PHACTR1: variants seen among roughly 807,000 people sequenced by gnomAD.
PHACTR1 encodes the protein phosphatase and actin regulator 1, also known as RPEL repeat containing 1.
PHACTR1 carries 16 observed loss-of-function variants against 69.2 expected under a neutral mutation model. The ratio of observed to expected loss-of-function variants is 0.23; its 90% CI spans 0.16 to 0.35. The LOEUF (loss-of-function observed/expected upper bound fraction) is 0.35. Among genes scored for constraint, PHACTR1 ranks in the 10% least tolerant of loss-of-function variants. The pLI, the probability that PHACTR1 is intolerant of heterozygous loss-of-function variation, is 1.00. For missense variants in PHACTR1, 510 were observed against 734.7 expected (o/e 0.69, Z 3.54); for synonymous variants, 312 against 284.5 (o/e 1.10, Z -0.97).
At chr6:12,932,393 CA>C (rs1188832145) in intron 4 of PHACTR1, among the ~76,000 whole-genome samples, 23 of 152,288 alleles carry the variant, frequency 1.5e-4, no homozygotes, top group African/African-American at 5.3e-4. Flanking sequence ...ATGCTATTCC[CA>C]AATATCTCCA....
chr6:13,055,599 T>G (rs553112747), intron 5 of PHACTR1, among the ~76,000 whole-genome samples: 60 of 152,328 alleles, frequency 3.9e-4, no homozygotes, highest in South Asian at 3.3e-3. Context: ...GTACACACAT[T>G]TCGGTAATTG....
chr6:12,933,887 G>T, intron 4 of PHACTR1: 5 of 1,612,460 alleles, frequency 3.1e-6, no homozygotes, highest in Non-Finnish European at 4.2e-6. Context: ...GGAAGAGTTT[G>T]GCTGAGAGGA....
At chr6:13,252,340 A>G (rs1018154761) in intron 10 of PHACTR1, among the ~76,000 whole-genome samples, 10 of 149,444 alleles carry the variant, frequency 6.7e-5, no homozygotes, top group South Asian at 6.3e-4. Context: ...AAAAAAAAAA[A>G]AAAGAAAAAG....
At chr6:12,748,542 T>C (rs147318643) in intron 3 of PHACTR1, among the ~76,000 whole-genome samples, 52 of 152,294 alleles carry the variant, frequency 3.4e-4, no homozygotes, top group South Asian at 6.2e-4. Context: ...AGCCCATCAA[T>C]AGGTTCAGCA....
intron 4 of PHACTR1, among the ~76,000 whole-genome samples, chr6:12,787,330 A>G (rs553234663): frequency 6.6e-6 from 1 of 152,338 alleles, no homozygotes; most frequent in South Asian, 2.1e-4. Context: ...CATTTTGAAT[A>G]TTTACTTCAG....
chr6:13,241,243 T>G (rs1265163460), intron 10 of PHACTR1, among the ~76,000 whole-genome samples: 2 of 152,190 alleles, frequency 1.3e-5, no homozygotes, highest in Non-Finnish European at 2.9e-5. Flanking sequence ...ACTGGGCTTT[T>G]TTATTGCATT....
At chr6:13,217,190 A>G (rs572986652) in intron 8 of PHACTR1, among the ~76,000 whole-genome samples, 2 of 152,324 alleles carry the variant, frequency 1.3e-5, no homozygotes, top group South Asian at 2.1e-4. Context: ...AACTCTCAGC[A>G]TTGTTGTCCA....
At chr6:12,885,882 G>A (rs1450085843) in intron 4 of PHACTR1, among the ~76,000 whole-genome samples, 1 of 152,166 alleles carries the variant, frequency 6.6e-6, no homozygotes, top group Non-Finnish European at 1.5e-5. Context: ...ATCACCTGAG[G>A]TCAGGAGTTC....
intron 7 of PHACTR1, among the ~76,000 whole-genome samples, chr6:13,202,434 T>C (rs2113854495): frequency 6.6e-6 from 1 of 151,304 alleles, no homozygotes; most frequent in South Asian, 2.1e-4. Context: ...TGGAGCAAAA[T>C]CCTTAACACC....
intron 7 of PHACTR1, among the ~76,000 whole-genome samples, chr6:13,189,777 A>C (rs1311111074): frequency 2.6e-5 from 4 of 152,130 alleles, no homozygotes; most frequent in Non-Finnish European, 4.4e-5. Context: ...GAAGTTTGAA[A>C]ATCGGCCCCT....
intron 4 of PHACTR1, among the ~76,000 whole-genome samples, chr6:12,859,729 T>C (rs1233357214): frequency 1.3e-5 from 2 of 152,198 alleles, no homozygotes; most frequent in Non-Finnish European, 2.9e-5. Flanking sequence ...CACTGAGCTC[T>C]CTTCTTGATT....
chr6:12,910,981 A>G (rs1786318161), intron 4 of PHACTR1, among the ~76,000 whole-genome samples: 1 of 152,106 alleles, frequency 6.6e-6, no homozygotes, highest in African/African-American at 2.4e-5. Flanking sequence ...GGGAAACACC[A>G]TTTCTGACTG....
chr6:12,794,426 G>A (rs1461109030), intron 4 of PHACTR1, among the ~76,000 whole-genome samples: 1 of 152,146 alleles, frequency 6.6e-6, no homozygotes, highest in Non-Finnish European at 1.5e-5. Flanking sequence ...CCAAACCAAG[G>A]GAACTGCCCA....
intron 4 of PHACTR1, among the ~76,000 whole-genome samples, chr6:12,816,538 G>A (rs531264557): frequency 6.6e-6 from 1 of 152,122 alleles, no homozygotes; most frequent in South Asian, 2.1e-4. Context: ...ATTGTGGTTG[G>A]GAGACATTTG....
chr6:12,789,950 A>G lies in PHACTR1; in HGVS notation c.250+40160A>G, dbSNP rs1393934519. On this transcript the variant is annotated intron_variant, in intron 4 of 14. Transcript: ENST00000332995. Reference sequence around the variant, plus strand: ...CCTCCCTCTTTTTCTTTCACTGCCTATATCTGGAAATTCTGTTGGCTATTC... The same window carrying G: ...CCTCCCTCTTTTTCTTTCACTGCCTGTATCTGGAAATTCTGTTGGCTATTC... Among the ~76,000 whole-genome samples, 10 of 119,324 alleles carry G rather than the reference A, an allele frequency of 8.4e-5. 1 individual carries two copies. Among genetic ancestry groups the G allele is most frequent in the Non-Finnish European group, 1.4e-4 (9 of 63,240 alleles). The allele number at this position is 119,324 out of a possible 152,430, so 78.3% of individuals were successfully genotyped here. A position where few individuals can be genotyped will look rare whatever the true frequency, so the allele number is the denominator to read the frequency against.
At chr6:12,919,587 C>G (rs531452845) in intron 4 of PHACTR1, among the ~76,000 whole-genome samples, 1 of 152,330 alleles carries the variant, frequency 6.6e-6, no homozygotes, top group African/African-American at 2.4e-5. Context: ...CCTTCCAAAA[C>G]TTAGAATTAA....
At chr6:13,042,365 TTTC>T (rs1256088848) in intron 4 of PHACTR1, among the ~76,000 whole-genome samples, 2 of 152,204 alleles carry the variant, frequency 1.3e-5, no homozygotes, top group African/African-American at 2.4e-5. Flanking sequence ...ACTAAGGATC[TTTC>T]TTCTTAGCCA....
chr6:13,063,805 A>C (rs2127757241), intron 5 of PHACTR1, among the ~76,000 whole-genome samples: 1 of 152,052 alleles, frequency 6.6e-6, no homozygotes, highest in East Asian at 1.9e-4. Flanking sequence ...TATGACTTGA[A>C]AAGGATTGTT....
At chr6:13,001,513 G>A (rs1486489750) in intron 4 of PHACTR1, among the ~76,000 whole-genome samples, 1 of 152,124 alleles carries the variant, frequency 6.6e-6, no homozygotes, top group East Asian at 1.9e-4. Context: ...TCCAACTCTA[G>A]TTTTTTCATT....
Sources: allele counts gnomAD v4.1 joint callset (sites outside exome capture counted in the v4.1 genomes callset), GRCh38; gene constraint gnomAD v4.1.1; transcripts MANE v1.5; gene names NCBI Gene and HGNC (gene_info 2026-07-23, HGNC 2026-07-21).